Variants in CADPS2 observed in about 807,000 individuals in gnomAD.
The protein encoded by CADPS2 is calcium dependent secretion activator 2.
In CADPS2, 93 loss-of-function variants were observed where a neutral mutation model predicts 172.5. The observed-to-expected ratio is 0.54, with a 90% CI of 0.46 to 0.64. The LOEUF (loss-of-function observed/expected upper bound fraction) is 0.64. CADPS2 is among the 30% of genes least tolerant of loss of function. The pLI is 0.00. For synonymous variants in CADPS2, 546 were observed against 555.2 expected (o/e 0.98, Z 0.23); for missense variants, 1,420 against 1,565.9 (o/e 0.91, Z 1.57).
At chr7:122,698,332 A>G in intron 2 of CADPS2, 2 of 1,614,060 alleles carry the variant, frequency 1.2e-6, no homozygotes, top group Non-Finnish European at 1.7e-6. Context: ...AGTTGTGACA[A>G]TCACAAAAGA....
At chr7:122,345,775 T>C (rs971503838) in intron 27 of CADPS2, 94 bp from the exon 28 acceptor site, 61 of 804,358 alleles carry the variant, frequency 7.6e-5, no homozygotes, top group Non-Finnish European at 1.2e-4. Flanking sequence ...ATTTTGAAAA[T>C]TACAGTCATA....
rs185797146 is a variant in CADPS2 at position 122,470,273 on chromosome 7, G to T, written c.2186+1102C>A. On this transcript the variant is annotated intron_variant, in intron 14 of 29. Transcript: ENST00000449022. ...AAGGCCAGAATTAGGATAAACAATGGAAATGTAAAAAAGAGAATGTTAAGG... is the reference window on the plus strand; with the variant it reads ...AAGGCCAGAATTAGGATAAACAATGTAAATGTAAAAAAGAGAATGTTAAGG... Among the ~76,000 whole-genome samples, 54 of 151,936 alleles carry T rather than the reference G, an allele frequency of 3.6e-4. 1 individual carries two copies. The highest frequency in any genetic ancestry group is 1.9e-4 in the Non-Finnish European group (13 of 67,962).
intron 7 of CADPS2, among the ~76,000 whole-genome samples, chr7:122,557,864 G>A (rs950931337): frequency 6.6e-6 from 1 of 152,156 alleles, no homozygotes; most frequent in Admixed American, 6.6e-5. Flanking sequence ...TCTAAGTAGG[G>A]ACATATGAAA....
intron 28 of CADPS2, among the ~76,000 whole-genome samples, chr7:122,345,107 G>A (rs2037370674): frequency 6.6e-6 from 1 of 151,668 alleles, no homozygotes; most frequent in Admixed American, 6.6e-5. Context: ...ATCTAGAATG[G>A]CTTCAACTTT....
chr7:122,702,839 AG>A, intron 2 of CADPS2: 6 of 945,610 alleles, frequency 6.3e-6, no homozygotes, highest in Non-Finnish European at 9.4e-6. Context: ...TGTTGGCGGC[AG>A]ATTACTAAAG....
At chr7:122,440,478 A>T in intron 16 of CADPS2, 1 of 152,196 alleles carries the variant, frequency 6.6e-6, no homozygotes, top group East Asian at 1.9e-4. Flanking sequence ...TAATTACAAC[A>T]ATCACATTTC....
At chr7:122,747,882 T>C (rs1360532992) in intron 1 of CADPS2, among the ~76,000 whole-genome samples, 1 of 152,112 alleles carries the variant, frequency 6.6e-6, no homozygotes, top group Admixed American at 6.6e-5. Context: ...AGAACCTAAT[T>C]AAGACGACAC....
intron 1 of CADPS2, among the ~76,000 whole-genome samples, chr7:122,829,616 C>T (rs1403761713): frequency 6.6e-6 from 1 of 152,128 alleles, no homozygotes; most frequent in Non-Finnish European, 1.5e-5. Flanking sequence ...TGACATAGTT[C>T]AACAGTTACA....
At position 122,820,704 on chromosome 7, in the gene CADPS2, C is replaced by G. The variant is rs527956420; in HGVS notation, c.339+65295G>C. Reference sequence around the variant, plus strand: ...CCTCCCGAGTAGCTGGGACTACAGGCGCCCGCTACCACGCCCGGCTAATTT... The same window carrying G: ...CCTCCCGAGTAGCTGGGACTACAGGGGCCCGCTACCACGCCCGGCTAATTT... On this transcript the variant is annotated intron_variant, in intron 1 of 29. Coordinates refer to ENST00000449022, the MANE Select transcript of CADPS2 (RefSeq NM_017954.11). 1.5e-5 allele frequency among the ~76,000 whole-genome samples: 2 copies of G among 133,522 alleles called. 1 individual carries two copies. The highest frequency in any genetic ancestry group is 5.0e-4 in the South Asian group (2 of 4,014). 87.6% of individuals were successfully genotyped at this position (133,522 alleles called of 152,430 possible).
chr7:122,806,730 A>C (rs1266426443), intron 1 of CADPS2, among the ~76,000 whole-genome samples: 1 of 152,238 alleles, frequency 6.6e-6, no homozygotes, highest in African/African-American at 2.4e-5. Context: ...CCACTTAGGT[A>C]ATCTTTTCTT....
rs1163036108 is a variant in CADPS2, at chr7:122,663,365, G to C, written c.658C>G (p.Gln220Glu). 1.2e-6 allele frequency: 2 copies of C among 1,613,920 alleles called. No homozygotes were observed. Among genetic ancestry groups the C allele is most frequent in the Admixed American group, 1.7e-5 (1 of 60,000 alleles). The part of the protein sequence containing the change: ...IYRGEEDLCK[Q>E]PNRMALSAVS... ...GCACTTAGGGCCATTCTATTTGGCT[G>C]TTTGCACAAGTCCTCTTCACCTCTG... Residue 220 changes from glutamine (Q) to glutamate (E), a missense_variant, in exon 3 of 30, where the codon CAG (glutamine) becomes GAG (glutamate). Transcript: ENST00000449022.
chr7:122,525,946 T>C (rs1046103183), intron 8 of CADPS2, among the ~76,000 whole-genome samples: 2 of 152,134 alleles, frequency 1.3e-5, no homozygotes, highest in African/African-American at 2.4e-5. Flanking sequence ...TATAATCTTA[T>C]GGGATCACTG....
intron 1 of CADPS2, chr7:122,849,787 GC>G (rs1813025955): frequency 4.0e-6 from 2 of 500,380 alleles, no homozygotes; most frequent in South Asian, 1.6e-5. Flanking sequence ...CCAGCCCCCA[GC>G]CCTCTCCCTT....
intron 1 of CADPS2, among the ~76,000 whole-genome samples, chr7:122,841,937 A>G (rs1810646684): frequency 6.6e-6 from 1 of 152,182 alleles, no homozygotes. Context: ...ATGGGATAAC[A>G]TGGAGGGTTT....
intron 1 of CADPS2, among the ~76,000 whole-genome samples, chr7:122,826,627 GAA>G (rs142862670): frequency 2.0e-5 from 3 of 149,850 alleles, no homozygotes; most frequent in East Asian, 3.9e-4. Flanking sequence ...AATTTATGAA[GAA>G]AAAAAAATAA....
Position 122,320,320 on chromosome 7 carries a change from G to T in CADPS2, c.3736C>A (p.Arg1246=). 6.2e-7 allele frequency: 1 copy of T among 1,600,246 alleles called. No homozygotes were observed. The highest frequency in any genetic ancestry group is 1.3e-5 in the African/African-American group (1 of 74,450). Reference sequence around the variant, plus strand: ...GTTCCTTCCAACACACCCTGCAATCGAAAGTCCCTGTAGGTTTTCTGAAGA... The same window carrying T: ...GTTCCTTCCAACACACCCTGCAATCTAAAGTCCCTGTAGGTTTTCTGAAGA... The part of the protein sequence containing the change: ...KIVKKTYRDF[R]LQGVLEGTLN... The change falls in exon 30 of 30, where the codon CGA becomes AGA. Residue 1246 remains arginine (R), a synonymous_variant. Coordinates refer to ENST00000449022, the MANE Select transcript of CADPS2 (RefSeq NM_017954.11).
chr7:122,621,862 A>G, intron 4 of CADPS2, 145 bp from the exon 5 acceptor site: 1 of 591,018 alleles, frequency 1.7e-6, no homozygotes, highest in Non-Finnish European at 2.9e-6. Context: ...TAGGCTGTAA[A>G]ATCCTCAGGC....
intron 17 of CADPS2, chr7:122,427,064 T>C (rs1305169494): frequency 2.0e-5 from 3 of 152,096 alleles, no homozygotes; most frequent in Admixed American, 6.6e-5. Flanking sequence ...TTACAGATCA[T>C]GGCCAAGGAA....
Position 122,683,745 on chromosome 7 carries a change from G to GAA in CADPS2, c.454-20178_454-20177dup, listed in dbSNP as rs5887112. 2.6e-3 allele frequency among the ~76,000 whole-genome samples: 386 copies of GAA among 149,244 alleles called. 1 individual carries two copies. The South Asian group carries it at 0.028, about 11-fold the overall frequency. ...CTTGCTTTGATATAATGTTAATGAAGAAAAAAAAAACAAACAGATTCCCAG... is the reference window on the plus strand; with the variant it reads ...CTTGCTTTGATATAATGTTAATGAAGAAAAAAAAAAAACAAACAGATTCCCAG... On this transcript the variant is annotated intron_variant, in intron 2 of 29. Transcript: ENST00000449022.
Sources: allele counts gnomAD v4.1 joint callset (sites outside exome capture counted in the v4.1 genomes callset), GRCh38; gene constraint gnomAD v4.1.1; transcripts MANE v1.5; gene names NCBI Gene and HGNC (gene_info 2026-07-23, HGNC 2026-07-21).